Variants in PDS5B observed in about 807,000 individuals in gnomAD.
PDS5B encodes the protein sister chromatid cohesion protein PDS5 homolog B.
Under a neutral mutation model 184.1 loss-of-function variants are expected in PDS5B, and 51 were observed. The ratio of observed to expected loss-of-function variants is 0.28; its 90% CI spans 0.22 to 0.35. PDS5B has a LOEUF of 0.35. PDS5B is among the 10% of genes least tolerant of loss of function. The probability of loss-of-function intolerance (pLI) is 1.00; values close to 1 mark genes in which losing one functional copy is unlikely to be tolerated. For missense variants in PDS5B, 1,180 were observed against 1,723.3 expected (o/e 0.68, Z 5.58); for synonymous variants, 566 against 569.2 (o/e 0.99, Z 0.08).
chr13:32,605,546 C>T (rs2058047341), intron 1 of PDS5B, among the ~76,000 whole-genome samples: 1 of 152,164 alleles, frequency 6.6e-6, no homozygotes, highest in South Asian at 2.1e-4. Flanking sequence ...AATATATATT[C>T]TGTTGATTTG....
At chr13:32,733,605 G>A (rs998045716) in intron 20 of PDS5B, among the ~76,000 whole-genome samples, 1 of 152,152 alleles carries the variant, frequency 6.6e-6, no homozygotes, top group Non-Finnish European at 1.5e-5. Context: ...GAACAGTTTT[G>A]TATTGGCCTT....
chr13:32,642,129 T>C (rs1950111970), intron 1 of PDS5B, among the ~76,000 whole-genome samples: 1 of 152,216 alleles, frequency 6.6e-6, no homozygotes, highest in African/African-American at 2.4e-5. Context: ...CTACAGTCAG[T>C]TCCTCATTAC....
chr13:32,773,200 G>T lies in PDS5B; in HGVS notation c.4184G>T (p.Arg1395Leu). 5 of 1,611,370 alleles carry T rather than the reference G, an allele frequency of 3.1e-6. No individual in the cohort carries two copies. Among genetic ancestry groups the T allele is most frequent in the African/African-American group, 1.3e-5 (1 of 74,862 alleles). ...GTGTTTTACTCTAGCCGTGTAGGAC[G>T]CTCCAAACAAGCAGCTACTAAGGAA... ...SQPKKNVRVG[R>L]SKQAATKEND... Residue 1395 changes from arginine to leucine, a missense_variant, in exon 34 of 35, where the codon CGC (arginine) becomes CTC (leucine). Coordinates refer to ENST00000315596, the MANE Select transcript of PDS5B (RefSeq NM_015032.4).
At chr13:32,713,048 G>A (rs556025656) in intron 19 of PDS5B, among the ~76,000 whole-genome samples, 1 of 152,256 alleles carries the variant, frequency 6.6e-6, no homozygotes, top group Admixed American at 6.5e-5. Context: ...CAAAACTGAG[G>A]ATCCTGTCAT....
At position 32,678,729 on chromosome 13, in the gene PDS5B, A is replaced by G. The variant is rs896325692; in HGVS notation, c.963-106A>G. The G allele has an allele frequency of 8.8e-6, 6 of 684,302 alleles. No individual in the cohort carries two copies. The Admixed American group carries it at 1.3e-4, about 14-fold the overall frequency. 42.4% of individuals were successfully genotyped at this position (684,302 alleles called of 1,614,324 possible). ...TTGGTTCTACTTTGCATTTTCCTTC[A>G]TAAACTGTTTTTTCTTTAATTAGAT... On this transcript the variant is annotated intron_variant, in intron 9 of 34. Transcript: ENST00000315596.
intron 20 of PDS5B, among the ~76,000 whole-genome samples, chr13:32,733,895 A>G (rs1953213815): frequency 1.3e-5 from 2 of 152,068 alleles, no homozygotes; most frequent in South Asian, 4.1e-4. Context: ...ACGTGCACAC[A>G]TGCATGCACA....
chr13:32,667,460 AT>A, intron 6 of PDS5B, among the ~76,000 whole-genome samples: 1 of 152,252 alleles, frequency 6.6e-6, no homozygotes, highest in South Asian at 2.1e-4. Context: ...ACTTAACTGA[AT>A]TGATTTTGGG....
chr13:32,701,409 A>G lies in PDS5B; in HGVS notation c.1827A>G (p.Ala609=). 1 of 1,609,296 alleles carries G rather than the reference A, an allele frequency of 6.2e-7. No homozygotes were observed. Among genetic ancestry groups the G allele is most frequent in the Non-Finnish European group, 8.5e-7 (1 of 1,175,998 alleles). ...TCAAGTTTCTCTTGGAGAGGATAGC[A>G]CCTGTGCACATAGATACCGAATCTA... ...EMIKFLLERI[A]PVHIDTESIS... Residue 609 remains alanine, a synonymous_variant, in exon 17 of 35, where the codon GCA becomes GCG. Transcript: ENST00000315596.
chr13:32,706,237 C>T (rs753341034), intron 17 of PDS5B, among the ~76,000 whole-genome samples: 20 of 151,644 alleles, frequency 1.3e-4, no homozygotes, highest in Admixed American at 3.3e-4. Context: ...GAGATCACGC[C>T]ACTGCACTCC....
chr13:32,598,534 G>A (rs1392549265), intron 1 of PDS5B, among the ~76,000 whole-genome samples: 1 of 151,872 alleles, frequency 6.6e-6, no homozygotes, highest in Non-Finnish European at 1.5e-5. Flanking sequence ...GTGCAGTGGT[G>A]TACCCAGTTC....
At chr13:32,772,765 G>T (rs192272787) in intron 33 of PDS5B, among the ~76,000 whole-genome samples, 1 of 152,160 alleles carries the variant, frequency 6.6e-6, no homozygotes, top group Non-Finnish European at 1.5e-5. Context: ...GATGGGAATG[G>T]TTTGAATTAG....
chr13:32,609,348 A>ATT lies in PDS5B; in HGVS notation c.-20+22765_-20+22766dup, dbSNP rs757506432. ...ATAAATTGGTTAATTATATACAGAG[A>ATT]TTTTTTTTTTTACATTAAGAGGAAA... On this transcript the variant is annotated intron_variant, in intron 1 of 34. Transcript: ENST00000315596. Among the ~76,000 whole-genome samples, 5 of 148,692 alleles carry ATT rather than the reference A, an allele frequency of 3.4e-5. No homozygotes were observed. The Middle Eastern group carries it at 0.01, about 306-fold the overall frequency.
intron 4 of PDS5B, 33 bp from the exon 5 acceptor site, chr13:32,658,401 C>A: frequency 6.9e-7 from 1 of 1,443,886 alleles, no homozygotes; most frequent in Admixed American, 1.9e-5. Context: ...AATCAAAATG[C>A]TTAACTTTCA....
intron 34 of PDS5B, 136 bp from the exon 35 acceptor site, chr13:32,774,881 G>A: frequency 1.2e-6 from 1 of 824,502 alleles, no homozygotes; most frequent in East Asian, 2.6e-5. Context: ...CAGAAAGTAA[G>A]GATAAAAAGT....
chr13:32,598,485 T>G (rs777316285), intron 1 of PDS5B, among the ~76,000 whole-genome samples: 2 of 152,102 alleles, frequency 1.3e-5, no homozygotes, highest in African/African-American at 4.8e-5. Flanking sequence ...TTTATTAACT[T>G]ATTTAGAGAC....
intron 21 of PDS5B, among the ~76,000 whole-genome samples, chr13:32,736,941 A>G (rs114452166): frequency 7.0e-4 from 106 of 152,186 alleles, no homozygotes; most frequent in African/African-American, 2.5e-3. Flanking sequence ...ACATACTTCA[A>G]TTCTGTAATT....
At chr13:32,731,246 A>C (rs1953111417) in intron 19 of PDS5B, among the ~76,000 whole-genome samples, 1 of 152,160 alleles carries the variant, frequency 6.6e-6, no homozygotes, top group African/African-American at 2.4e-5. Context: ...GGTTGGTATC[A>C]GGCAATGAGG....
At chr13:32,656,270 C>CTTTTT in intron 3 of PDS5B, among the ~76,000 whole-genome samples, 1 of 71,966 alleles carries the variant, frequency 1.4e-5, no homozygotes, top group South Asian at 4.6e-4. Flanking sequence ...ATGTCTCCAG[C>CTTTTT]TTCTTTTTTT....
intron 30 of PDS5B, among the ~76,000 whole-genome samples, chr13:32,764,054 T>A (rs1384954493): frequency 2.8e-5 from 2 of 72,516 alleles, no homozygotes; most frequent in Admixed American, 3.1e-4. Flanking sequence ...TTCATGCTTA[T>A]ATTCTAACGG....
Sources: gnomAD v4.1 joint callset for allele counts (sites outside exome capture counted in the v4.1 genomes callset) on GRCh38, gnomAD v4.1.1 for gene constraint, MANE v1.5 for transcripts, NCBI Gene and HGNC (gene_info 2026-07-23, HGNC 2026-07-21) for gene names.